The following PCDH11X variants were observed in gnomAD, a reference collection of about 807,000 sequenced individuals.
PCDH11X encodes protocadherin-11 X-linked.
Under a neutral mutation model 53.3 loss-of-function variants are expected in PCDH11X, and 18 were observed. The ratio of observed to expected loss-of-function variants is 0.34; its 90% CI spans 0.23 to 0.50. The LOEUF is 0.50. Ranked by LOEUF, PCDH11X falls within the 20% of genes least tolerant of loss-of-function variation. The pLI is 0.98. For missense variants in PCDH11X, 570 were observed against 1,032.4 expected, an observed-to-expected ratio of 0.55 and a Z score of 6.14; for synonymous variants, 279 against 393.3, an observed-to-expected ratio of 0.71 and a Z score of 3.44.
intron 8 of PCDH11X, among the ~76,000 whole-genome samples, chrX:92,364,400 T>C (rs1321958290): frequency 9.0e-6 from 1 of 111,231 alleles, no homozygotes; most frequent in African/African-American, 3.3e-5. Flanking sequence ...TATCTAAACA[T>C]AGAAAAGGTA....
chrX:91,949,492 G>GA (rs1391682479), intron 6 of PCDH11X, among the ~76,000 whole-genome samples: 1 of 110,366 alleles, frequency 9.1e-6, no homozygotes. Flanking sequence ...TAGTGACTAG[G>GA]AAAAAACATT....
chrX:92,126,110 A>G (rs1331874633), intron 6 of PCDH11X, among the ~76,000 whole-genome samples: 1 of 106,047 alleles, frequency 9.4e-6, no homozygotes, highest in Non-Finnish European at 1.9e-5. Context: ...CTGGGTGACA[A>G]GAATGAAACT....
intron 8 of PCDH11X, among the ~76,000 whole-genome samples, chrX:92,379,027 A>T (rs768952109): frequency 2.7e-5 from 3 of 113,008 alleles, no homozygotes; most frequent in Non-Finnish European, 3.8e-5. Flanking sequence ...GGCCACTGCC[A>T]TGACACCAGC....
intron 4 of PCDH11X, among the ~76,000 whole-genome samples, chrX:91,821,991 T>C (rs1473600645): frequency 9.6e-6 from 1 of 104,035 alleles, no homozygotes; most frequent in Non-Finnish European, 1.9e-5. Flanking sequence ...GATTTGAGTA[T>C]ATTGAACCAG....
In PCDH11X at chrX:91,944,820, T is replaced by C. The variant is rs181921056; in HGVS notation, c.3033+65547T>C. Among the ~76,000 whole-genome samples the C allele has an allele frequency of 9.2e-3, 988 of 107,402 alleles. 6 individuals are homozygous for C. The highest frequency in any genetic ancestry group is 0.02 in the Middle Eastern group (4 of 197). The allele number at this position is 107,402 out of a possible 115,157, so 93.3% of individuals were successfully genotyped here. A position where few individuals can be genotyped will look rare whatever the true frequency, so the allele number is the denominator to read the frequency against. ...GAAAAAAATCATTTTGTAGAACTTA[T>C]TTTAAAGGCATTTCATACTGTTAAA... On this transcript the variant is annotated intron_variant, in intron 6 of 10. Coordinates refer to ENST00000682573, the MANE Select transcript of PCDH11X (RefSeq NM_032968.5).
intron 6 of PCDH11X, among the ~76,000 whole-genome samples, chrX:91,988,430 G>C (rs1324865954): frequency 3.6e-5 from 4 of 112,286 alleles, no homozygotes; most frequent in African/African-American, 1.3e-4. Flanking sequence ...GGGATATGTT[G>C]TCTTAATCTT....
At chrX:92,500,226 A>G (rs188920732) in intron 10 of PCDH11X, among the ~76,000 whole-genome samples, 111 of 111,784 alleles carry the variant, frequency 9.9e-4, no homozygotes, top group Non-Finnish European at 1.2e-3. Flanking sequence ...TTAAAAGATC[A>G]TATTTCAGGG....
intron 10 of PCDH11X, among the ~76,000 whole-genome samples, chrX:92,496,441 A>T (rs2148690288): frequency 9.3e-6 from 1 of 107,856 alleles, no homozygotes; most frequent in East Asian, 2.9e-4. Flanking sequence ...GTTGGAGGAA[A>T]AGTAACTCTT....
intron 7 of PCDH11X, among the ~76,000 whole-genome samples, chrX:92,243,836 G>T (rs2067303619): frequency 9.0e-6 from 1 of 111,412 alleles, no homozygotes; most frequent in African/African-American, 3.3e-5. Context: ...AAAATATTTT[G>T]ATTTCTGCTA....
intron 10 of PCDH11X, among the ~76,000 whole-genome samples, chrX:92,508,973 C>A (rs1404364256): frequency 9.9e-6 from 1 of 100,564 alleles, no homozygotes; most frequent in Non-Finnish European, 2.0e-5. Context: ...GATTGTTAAG[C>A]AAAAATTAAT....
intron 6 of PCDH11X, among the ~76,000 whole-genome samples, chrX:92,001,518 G>A (rs1160486254): frequency 9.6e-6 from 1 of 103,896 alleles, no homozygotes; most frequent in African/African-American, 3.6e-5. Context: ...GTCCAGGCTG[G>A]AGTGCAATGG....
chrX:92,618,795 C>T lies in PCDH11X; in HGVS notation c.3899C>T (p.Ala1300Val), dbSNP rs768077489. Residue 1300 changes from alanine to valine, a missense_variant, in exon 11 of 11, where the codon GCA becomes GTA. This residue lies in a region of PCDH11X where 234 missense variants were observed against 296.1 expected (regional missense o/e 0.79). Coordinates refer to ENST00000682573, the MANE Select transcript of PCDH11X (RefSeq NM_032968.5). ...CSVDQGVQGSATSQFYTMSER... is the reference protein window; with the variant it reads ...CSVDQGVQGSVTSQFYTMSER... ...GTTGATCAGGGAGTGCAAGGTAGTG[C>T]AACATCTCAGTTTTACACCATGTCT... 1.7e-5 allele frequency: 21 copies of T among 1,210,393 alleles called. No individual in the cohort carries two copies. In the East Asian group the frequency reaches 6.2e-4, roughly 36 times the overall value.
rs182662561 is a variant in PCDH11X, at chrX:92,314,451, G to A, written c.3144+51308G>A. On this transcript the variant is annotated intron_variant, in intron 8 of 10. Transcript: ENST00000682573. ...TACAACTAATTTCTTTTCCAAAGTAGGAGTACACTCTAAAATAATGATAAA... is the reference window on the plus strand; with the variant it reads ...TACAACTAATTTCTTTTCCAAAGTAAGAGTACACTCTAAAATAATGATAAA... 1.9e-4 allele frequency among the ~76,000 whole-genome samples: 21 copies of A among 111,204 alleles called. No individual in the cohort carries two copies. The East Asian group carries it at 6.0e-3, about 32-fold the overall frequency.
At chrX:92,074,300 A>G (rs2063744514) in intron 6 of PCDH11X, among the ~76,000 whole-genome samples, 1 of 111,152 alleles carries the variant, frequency 9.0e-6, no homozygotes, top group Non-Finnish European at 1.9e-5. Flanking sequence ...CAGTTTTTCT[A>G]TATTCTGATA....
chrX:91,881,652 A>G (rs1308361836), intron 6 of PCDH11X, among the ~76,000 whole-genome samples: 5 of 111,679 alleles, frequency 4.5e-5, no homozygotes, highest in African/African-American at 1.6e-4. Context: ...TAGGGTGTTC[A>G]ATGATGTTGC....
At chrX:91,857,032 G>C (rs1019529506) in intron 5 of PCDH11X, among the ~76,000 whole-genome samples, 3 of 111,104 alleles carry the variant, frequency 2.7e-5, no homozygotes, top group African/African-American at 9.9e-5. Flanking sequence ...TTCTCATGCT[G>C]CTAATAAAGA....
At chrX:92,143,027 A>G (rs778248874) in intron 6 of PCDH11X, among the ~76,000 whole-genome samples, 1 of 111,518 alleles carries the variant, frequency 9.0e-6, no homozygotes, top group African/African-American at 3.3e-5. Flanking sequence ...CTGTAATCCT[A>G]GCATTTTGGG....
chrX:92,126,609 C>CAAAAAAT (rs768684122), intron 6 of PCDH11X, among the ~76,000 whole-genome samples: 1 of 106,480 alleles, frequency 9.4e-6, no homozygotes, highest in African/African-American at 3.5e-5. Context: ...AACTCTGTCT[C>CAAAAAAT]AAAAAATAAA....
chrX:91,797,229 C>CT (rs1935766163), intron 1 of PCDH11X, among the ~76,000 whole-genome samples: 1 of 110,942 alleles, frequency 9.0e-6, no homozygotes, highest in South Asian at 3.8e-4. Context: ...CAGTTACAGC[C>CT]TGGTGAATGT....
Sources: allele counts gnomAD v4.1 joint callset (sites outside exome capture counted in the v4.1 genomes callset), GRCh38; gene constraint gnomAD v4.1.1; regional missense constraint gnomAD v4.1.1; transcripts MANE v1.5; gene names NCBI Gene and HGNC (gene_info 2026-07-23, HGNC 2026-07-21).